CAP2: variants seen among roughly 807,000 people sequenced by gnomAD.
CAP2 encodes the protein cyclase associated actin cytoskeleton regulatory protein 2.
In CAP2, 24 loss-of-function variants were observed where a neutral mutation model predicts 57.7. The ratio of observed to expected loss-of-function variants is 0.42; its 90% CI spans 0.30 to 0.58. CAP2 has a LOEUF of 0.58. Among genes scored for constraint, CAP2 ranks in the 20% least tolerant of loss-of-function variants. The pLI, the probability that CAP2 is intolerant of heterozygous loss-of-function variation, is 0.22. For synonymous variants in CAP2, 194 were observed against 207.2 expected (o/e 0.94, Z 0.55); for missense variants, 501 against 590.3 (o/e 0.85, Z 1.57).
intron 3 of CAP2, among the ~76,000 whole-genome samples, chr6:17,434,610 C>T (rs570262335): frequency 4.6e-5 from 7 of 152,322 alleles, no homozygotes; most frequent in African/African-American, 1.7e-4. Context: ...TGTGTAGTAA[C>T]GTGTACTAAT....
chr6:17,531,916 T>C (rs1275273325), intron 7 of CAP2, among the ~76,000 whole-genome samples: 4 of 152,074 alleles, frequency 2.6e-5, no homozygotes, highest in African/African-American at 4.8e-5. Flanking sequence ...CTTTGTGCAT[T>C]TGTCACCTCC....
chr6:17,496,029 G>GCGGGC (rs1554127011), intron 4 of CAP2, among the ~76,000 whole-genome samples: 5 of 125,750 alleles, frequency 4.0e-5, no homozygotes, highest in Admixed American at 7.9e-5. Context: ...TGTGTGGGTG[G>GCGGGC]GGGGGGGGGG....
In CAP2 at chr6:17,510,028, A is replaced by T. The variant is rs183040440; in HGVS notation, c.530+2302A>T. On this transcript the variant is annotated intron_variant, in intron 6 of 12. Transcript: ENST00000229922. Reference sequence around the variant, plus strand: ...TTACATTTATGTGAAATTCCAGGATAGTCAAATCTATAGAAAGAGAAAGTA... The same window carrying T: ...TTACATTTATGTGAAATTCCAGGATTGTCAAATCTATAGAAAGAGAAAGTA... Among the ~76,000 whole-genome samples, 11 of 152,338 alleles carry T rather than the reference A, an allele frequency of 7.2e-5. No individual in the cohort carries two copies. The East Asian group carries it at 2.1e-3, about 29-fold the overall frequency.
intron 4 of CAP2, among the ~76,000 whole-genome samples, chr6:17,475,194 C>CA (rs1172435772): frequency 0.086 from 9,074 of 105,664 alleles, 863 homozygotes; most frequent in African/African-American, 0.25. Context: ...GACTCCATCT[C>CA]AAAAAAAAAA....
chr6:17,452,199 C>T (rs1760423542), intron 3 of CAP2, among the ~76,000 whole-genome samples: 1 of 152,238 alleles, frequency 6.6e-6, no homozygotes, highest in South Asian at 2.1e-4. Context: ...GGACCAGTCA[C>T]AGACCAAGAA....
chr6:17,547,033 A>C (rs1199230748), intron 11 of CAP2, among the ~76,000 whole-genome samples: 1 of 152,212 alleles, frequency 6.6e-6, no homozygotes, highest in Non-Finnish European at 1.5e-5. Context: ...CTTATACACC[A>C]ATAACAGACA....
chr6:17,540,644 C>A (rs907671683), intron 8 of CAP2, among the ~76,000 whole-genome samples: 4 of 152,084 alleles, frequency 2.6e-5, no homozygotes, highest in Non-Finnish European at 4.4e-5. Flanking sequence ...ATCCCAGCTA[C>A]TTGGGAGGCT....
chr6:17,456,272 G>A (rs1048672350), intron 3 of CAP2, among the ~76,000 whole-genome samples: 2 of 152,150 alleles, frequency 1.3e-5, no homozygotes, highest in African/African-American at 4.8e-5. Context: ...CCTTCTGCGA[G>A]GTGCATAATA....
At chr6:17,472,070 C>A (rs1761035083) in intron 4 of CAP2, among the ~76,000 whole-genome samples, 1 of 24,440 alleles carries the variant, frequency 4.1e-5, no homozygotes, top group Non-Finnish European at 6.9e-5. Flanking sequence ...CGCGGTGGCT[C>A]ACGCCTGTAA....
intron 11 of CAP2, among the ~76,000 whole-genome samples, chr6:17,544,207 G>A (rs938756223): frequency 6.6e-6 from 1 of 151,732 alleles, no homozygotes; most frequent in Non-Finnish European, 1.5e-5. Context: ...GCACATAGTA[G>A]GCGTCCAGTA....
chr6:17,394,848 T>C (rs748205200), intron 1 of CAP2, among the ~76,000 whole-genome samples: 7 of 152,322 alleles, frequency 4.6e-5, no homozygotes, highest in Middle Eastern at 3.4e-3. Context: ...ATGGGTTGTT[T>C]GGTAGTTCCT....
chr6:17,462,984 C>G lies in CAP2; in HGVS notation c.223-12C>G. ...CAAACATTGAAACTGCCATCTTCCT[C>G]TTTGTTCCCAGGCAGAAATGGTGCA... On this transcript the variant is annotated splice_polypyrimidine_tract_variant and intron_variant, in intron 3 of 12. Coordinates refer to ENST00000229922, the MANE Select transcript of CAP2 (RefSeq NM_006366.3). 1.2e-6 allele frequency: 2 copies of G among 1,612,920 alleles called. No homozygotes were observed. The highest frequency in any genetic ancestry group is 1.1e-5 in the South Asian group (1 of 91,026).
chr6:17,524,074 CAAA>C (rs10523029), intron 7 of CAP2, among the ~76,000 whole-genome samples: 44 of 118,948 alleles, frequency 3.7e-4, no homozygotes, highest in Admixed American at 9.8e-4. Context: ...GACTCTGTCT[CAAA>C]AAAAAAAAAA....
intron 4 of CAP2, among the ~76,000 whole-genome samples, chr6:17,485,645 T>C (rs903689272): frequency 1.3e-5 from 2 of 152,256 alleles, no homozygotes; most frequent in African/African-American, 4.8e-5. Context: ...GGTTAGTAAT[T>C]ATTGACAAGG....
chr6:17,401,503 G>A (rs1444314336), intron 1 of CAP2, among the ~76,000 whole-genome samples: 1 of 152,158 alleles, frequency 6.6e-6, no homozygotes, highest in African/African-American at 2.4e-5. Flanking sequence ...TCCATCGAAT[G>A]TATACTGTCC....
intron 7 of CAP2, among the ~76,000 whole-genome samples, chr6:17,526,148 C>T (rs1349526646): frequency 3.3e-5 from 5 of 150,350 alleles, no homozygotes; most frequent in African/African-American, 9.8e-5. Context: ...GATGGAGTCT[C>T]GCTCTGTCGC....
chr6:17,492,654 G>C (rs1561803166), intron 4 of CAP2, among the ~76,000 whole-genome samples: 1 of 152,186 alleles, frequency 6.6e-6, no homozygotes, highest in Non-Finnish European at 1.5e-5. Flanking sequence ...TGACAGGCTG[G>C]CTGGATCAAA....
intron 1 of CAP2, among the ~76,000 whole-genome samples, chr6:17,394,157 T>C (rs1388680194): frequency 5.9e-5 from 8 of 135,962 alleles, no homozygotes; most frequent in African/African-American, 2.2e-4. Flanking sequence ...GCTGTGAGTC[T>C]TCCAGGGGGG....
chr6:17,444,253 A>G (rs1760180812), intron 3 of CAP2, among the ~76,000 whole-genome samples: 1 of 152,216 alleles, frequency 6.6e-6, no homozygotes, highest in Non-Finnish European at 1.5e-5. Context: ...AAATGGATGA[A>G]TCAAATTATT....
Sources: gnomAD v4.1 joint callset for allele counts (sites outside exome capture counted in the v4.1 genomes callset) on GRCh38, gnomAD v4.1.1 for gene constraint, MANE v1.5 for transcripts, NCBI Gene and HGNC (gene_info 2026-07-23, HGNC 2026-07-21) for gene names.